GTF2IRD1: variants seen among roughly 807,000 people sequenced by gnomAD.
The protein encoded by GTF2IRD1 is GTF2I repeat domain containing 1.
GTF2IRD1 carries 26 observed loss-of-function variants against 113.2 expected under a neutral mutation model. The observed-to-expected ratio is 0.23, with a 90% CI of 0.17 to 0.32. GTF2IRD1 has a LOEUF of 0.32. Among genes scored for constraint, GTF2IRD1 ranks in the 10% least tolerant of loss-of-function variants. GTF2IRD1 has a pLI of 1.00. For missense variants in GTF2IRD1, 864 were observed against 1,280.8 expected (o/e 0.67, Z 4.97); for synonymous variants, 484 against 529.1 (o/e 0.91, Z 1.17).
chr7:74,492,588 C>G (rs1473949113), intron 1 of GTF2IRD1, among the ~76,000 whole-genome samples: 1 of 152,040 alleles, frequency 6.6e-6, no homozygotes, highest in Non-Finnish European at 1.5e-5. Context: ...AGTCTTTTTT[C>G]ATAAGATTGT....
chr7:74,477,677 T>C (rs1485688212), intron 1 of GTF2IRD1, among the ~76,000 whole-genome samples: 2 of 151,994 alleles, frequency 1.3e-5, no homozygotes, highest in African/African-American at 4.8e-5. Flanking sequence ...CTGCAGGGCA[T>C]AGCCTGCCCT....
At chr7:74,537,476 A>AC (rs1562847976) in intron 11 of GTF2IRD1, among the ~76,000 whole-genome samples, 1 of 151,832 alleles carries the variant, frequency 6.6e-6, no homozygotes, top group Non-Finnish European at 1.5e-5. Context: ...ATACATACCT[A>AC]CTACATGCAT....
intron 8 of GTF2IRD1, 127 bp downstream of exon 8, chr7:74,524,281 G>T: frequency 1.6e-6 from 1 of 630,620 alleles, no homozygotes. Flanking sequence ...CGCCGGCACC[G>T]CTAATGTCAT....
At chr7:74,499,453 GGAAGGAAGGAAA>G (rs1451096884) in intron 1 of GTF2IRD1, among the ~76,000 whole-genome samples, 2 of 142,170 alleles carry the variant, frequency 1.4e-5, no homozygotes, top group Non-Finnish European at 3.2e-5. Context: ...AGAGAGAGAA[GGAAGGAAGGAAA>G]GAAGGAAGGA....
At chr7:74,478,561 T>G (rs37618) in intron 1 of GTF2IRD1, among the ~76,000 whole-genome samples, 90,267 of 151,830 alleles carry the variant, frequency 0.59, 27,848 homozygotes, top group Admixed American at 0.72. Context: ...GCTCAAGCGA[T>G]CCTCCCACCT....
intron 1 of GTF2IRD1, among the ~76,000 whole-genome samples, chr7:74,501,345 T>C (rs1308734771): frequency 6.6e-6 from 1 of 152,218 alleles, no homozygotes; most frequent in East Asian, 1.9e-4. Context: ...TGCGACATCC[T>C]TGTGGTGGGG....
chr7:74,480,240 G>A (rs1271793459), intron 1 of GTF2IRD1, among the ~76,000 whole-genome samples: 3 of 152,102 alleles, frequency 2.0e-5, no homozygotes, highest in East Asian at 3.9e-4. Context: ...GTTGGGCCCT[G>A]TGCGGTGTGG....
chr7:74,519,398 C>T lies in GTF2IRD1; in HGVS notation c.606-11C>T. 6.6e-7 allele frequency: 1 copy of T among 1,514,732 alleles called. No homozygotes were observed. Among genetic ancestry groups the T allele is most frequent in the Non-Finnish European group, 8.8e-7 (1 of 1,130,806 alleles). The allele number at this position is 1,514,732 out of a possible 1,614,324, so 93.8% of individuals were successfully genotyped here. ...GTACAAAGCTGTCCATGTGTCCTCT[C>T]CTTTACTCAGGCCACTTGAGGATGG... is the stretch of plus-strand genomic sequence containing the variant. On this transcript the variant is annotated splice_polypyrimidine_tract_variant and intron_variant, in intron 5 of 26. Transcript: ENST00000424337.
At chr7:74,514,078 A>G (rs1562821876) in intron 3 of GTF2IRD1, among the ~76,000 whole-genome samples, 1 of 152,066 alleles carries the variant, frequency 6.6e-6, no homozygotes, top group Non-Finnish European at 1.5e-5. Context: ...CTGTGCCTCA[A>G]CCCACTCATC....
At position 74,478,754 on chromosome 7, in the gene GTF2IRD1, C is replaced by CT. The variant is rs1179869380; in HGVS notation, c.-7+24587dup. Among the ~76,000 whole-genome samples the CT allele has an allele frequency of 1.3e-4, 19 of 149,026 alleles. 1 individual carries two copies. The highest frequency in any genetic ancestry group is 2.1e-4 in the South Asian group (1 of 4,680). Reference sequence around the variant, plus strand: ...TATAGGCATGAGCCACCAGCCCCACCTTTTTTTTTGAGATAGGGTCTTGCT... The same window carrying CT: ...TATAGGCATGAGCCACCAGCCCCACCTTTTTTTTTTGAGATAGGGTCTTGCT... On this transcript the variant is annotated intron_variant, in intron 1 of 26. Transcript: ENST00000424337.
Position 74,539,965 on chromosome 7 carries a change from A to T in GTF2IRD1, c.1615A>T (p.Thr539Ser). The change falls in exon 14 of 27, where the codon ACA becomes TCA. Residue 539 changes from threonine to serine, a missense_variant. By Grantham distance (58) the Thr-to-Ser change is moderately conservative. Coordinates refer to ENST00000424337, the MANE Select transcript of GTF2IRD1 (RefSeq NM_005685.4). Reference protein sequence around the residue: ...EDSGYGMEMLTDKGLSEDARP... With the variant: ...EDSGYGMEMLSDKGLSEDARP... Reference sequence around the variant, plus strand: ...TTCTGGTTATGGGATGGAGATGCTGACAGGTAAGAAATGGACCTGGGCTGG... The same window carrying T: ...TTCTGGTTATGGGATGGAGATGCTGTCAGGTAAGAAATGGACCTGGGCTGG... 1 of 1,609,686 alleles carries T rather than the reference A, an allele frequency of 6.2e-7. No homozygotes were observed. The highest frequency in any genetic ancestry group is 1.1e-5 in the South Asian group (1 of 90,996).
At chr7:74,514,292 G>A (rs1244064822) in intron 3 of GTF2IRD1, among the ~76,000 whole-genome samples, 3 of 152,020 alleles carry the variant, frequency 2.0e-5, no homozygotes, top group African/African-American at 4.8e-5. Context: ...GGGTGCAGCC[G>A]CATCCCCAGC....
chr7:74,488,298 A>G (rs538634530), intron 1 of GTF2IRD1, among the ~76,000 whole-genome samples: 95 of 152,192 alleles, frequency 6.2e-4, no homozygotes, highest in Non-Finnish European at 1.2e-3. Context: ...AAAGAATTGT[A>G]GCACACTCAG....
chr7:74,496,714 G>A (rs1205278666), intron 1 of GTF2IRD1, among the ~76,000 whole-genome samples: 6 of 151,958 alleles, frequency 3.9e-5, no homozygotes, highest in Admixed American at 2.0e-4. Flanking sequence ...TTACCTCTGG[G>A]GCAGAGATGT....
intron 22 of GTF2IRD1, among the ~76,000 whole-genome samples, chr7:74,570,198 C>T (rs1554362192): frequency 6.6e-6 from 1 of 151,658 alleles, no homozygotes; most frequent in Non-Finnish European, 1.5e-5. Flanking sequence ...CCTGTCTCCA[C>T]CAAAAAATAC....
rs1802766700 is a variant in GTF2IRD1 at position 74,601,473 on chromosome 7, G to T, written c.2766+293G>T. 4.9e-6 allele frequency: 7 copies of T among 1,438,404 alleles called. No individual in the cohort carries two copies. In the South Asian group the frequency reaches 7.4e-5, roughly 15 times the overall value. 89.1% of individuals were successfully genotyped at this position (1,438,404 alleles called of 1,614,324 possible). ...ACCCTTCAGCCGCACCAGAGCTGGA[G>T]ACATGAAAAGACATGGCTGGCGGGT... On this transcript the variant is annotated intron_variant, in intron 26 of 26. Transcript: ENST00000424337.
intron 1 of GTF2IRD1, among the ~76,000 whole-genome samples, chr7:74,470,925 T>C (rs1707068125): frequency 6.6e-6 from 1 of 152,142 alleles, no homozygotes; most frequent in African/African-American, 2.4e-5. Flanking sequence ...TGCTTCAGCC[T>C]CCCAAGTAGC....
At chr7:74,533,293 C>G (rs781789404) in intron 9 of GTF2IRD1, among the ~76,000 whole-genome samples, 1 of 152,114 alleles carries the variant, frequency 6.6e-6, no homozygotes. Context: ...CACCACCACA[C>G]CTGGCTAGTT....
rs111571471 is a variant in GTF2IRD1 at position 74,553,225 on chromosome 7, G to T, written c.1917-1949G>T. On this transcript the variant is annotated intron_variant, in intron 17 of 26. Coordinates refer to ENST00000424337, the MANE Select transcript of GTF2IRD1 (RefSeq NM_005685.4). ...GCTCACTGTAGCCTCCACCTTCCAGGTTTAAACGATTCTCCTGCCTCAGCC... is the reference window on the plus strand; with the variant it reads ...GCTCACTGTAGCCTCCACCTTCCAGTTTTAAACGATTCTCCTGCCTCAGCC... 2.6e-4 allele frequency among the ~76,000 whole-genome samples: 39 copies of T among 151,004 alleles called. 1 individual carries two copies. Among genetic ancestry groups the T allele is most frequent in the African/African-American group, 8.5e-4 (35 of 41,064 alleles).
Sources: gnomAD v4.1 joint callset for allele counts (sites outside exome capture counted in the v4.1 genomes callset) on GRCh38, gnomAD v4.1.1 for gene constraint, MANE v1.5 for transcripts, NCBI Gene and HGNC (gene_info 2026-07-23, HGNC 2026-07-21) for gene names.